Variants in GALE observed in about 807,000 individuals in gnomAD.
GALE encodes the protein UDP-galactose-4-epimerase, also known as UDP-glucose 4-epimerase.
Under a neutral mutation model 44.1 loss-of-function variants are expected in GALE, and 32 were observed. The observed-to-expected ratio is 0.73, with a 90% confidence interval of 0.55 to 0.97. GALE has a LOEUF of 0.97. GALE is among the 50% of genes least tolerant of loss of function. GALE has a pLI of 0.00. For missense variants in GALE, 423 were observed against 455.6 expected, an observed-to-expected ratio of 0.93 and a Z score of 0.65; for synonymous variants, 182 against 183.5, an observed-to-expected ratio of 0.99 and a Z score of 0.06.
In GALE at chr1:23,796,185, C is replaced by T; in HGVS notation, c.954G>A (p.Leu318=). 1 of 1,614,162 alleles carries T rather than the reference C, an allele frequency of 6.2e-7. No individual in the cohort carries two copies. The highest frequency in any genetic ancestry group is 1.3e-5 in the African/African-American group (1 of 75,052). ...YANPSLAQEE[L]GWTAALGLDR... ...CCAGCCCTAAGGCTGCTGTCCACCCCAGCTCCTCTTGGGCCAGGCTGGGGT... is the reference window on the plus strand; with the variant it reads ...CCAGCCCTAAGGCTGCTGTCCACCCTAGCTCCTCTTGGGCCAGGCTGGGGT... Residue 318 remains leucine (L), a synonymous_variant, in exon 11 of 12, where the codon CTG becomes CTA. Transcript: ENST00000617979. This position sits in a 1 kb window ranked among gnomAD's most constrained non-coding sequence, Gnocchi z 5.2.
In GALE at chr1:23,796,070, C is replaced by A. The variant is rs1041437382; in HGVS notation, c.989-63G>T. On this transcript the variant is annotated intron_variant, in intron 11 of 11. Coordinates refer to ENST00000617979, the MANE Select transcript of GALE (RefSeq NM_001008216.2). This position sits in a 1 kb window ranked among gnomAD's most constrained non-coding sequence, Gnocchi z 5.2. ...GGAATGCAGAGCCTCCCCCACCCCA[C>A]AGCCCGCCCTGGGTGGGCATGCCCA... is the stretch of plus-strand genomic sequence containing the variant. 1 of 1,602,542 alleles carries A rather than the reference C, an allele frequency of 6.2e-7. No individual in the cohort carries two copies. Among genetic ancestry groups the A allele is most frequent in the East Asian group, 2.2e-5 (1 of 44,780 alleles).
Position 23,797,791 on chromosome 1 carries a change from A to G in GALE, c.432T>C (p.Leu144=), listed in dbSNP as rs1639006965. 2 of 1,614,164 alleles carry G rather than the reference A, an allele frequency of 1.2e-6. No homozygotes were observed. Among genetic ancestry groups the G allele is most frequent in the Non-Finnish European group, 1.7e-6 (2 of 1,180,002 alleles). ...TVYGNPQYLP[L]DEAHPTGGCT... Reference sequence around the variant, plus strand: ...AACCACCCGTGGGGTGGGCCTCATCAAGGGGCAGGTACTGGGGGTTCCCGT... The same window carrying G: ...AACCACCCGTGGGGTGGGCCTCATCGAGGGGCAGGTACTGGGGGTTCCCGT... Residue 144 remains leucine (L), a synonymous_variant, in exon 6 of 12, where the codon CTT becomes CTC. Transcript: ENST00000617979.
At position 23,798,515 on chromosome 1, in the gene GALE, A is replaced by G; in HGVS notation, c.237+100T>C. On this transcript the variant is annotated intron_variant, in intron 4 of 11. Transcript: ENST00000617979. This position sits in a 1 kb window ranked among gnomAD's most constrained non-coding sequence, Gnocchi z 4.5. ...GAGATGGGGTTTCACTGTGTTGAGC[A>G]GGCTGGTCTTGAACACCTGGGCTCA... is the stretch of plus-strand genomic sequence containing the variant. 1 of 860,022 alleles carries G rather than the reference A, an allele frequency of 1.2e-6. No homozygotes were observed. Among genetic ancestry groups the G allele is most frequent in the Non-Finnish European group, 2.0e-6 (1 of 509,902 alleles). The allele number at this position is 860,022 out of a possible 1,614,324, so 53.3% of individuals were successfully genotyped here.
rs750780115 is a variant in GALE, at chr1:23,798,698, C to A, written c.154G>T (p.Val52Phe). ...ACAGAGCGGCCTGTCAGCTCCTGGACCCGCCGCAGGCTCTCAGGCAGGGAG... is the reference window on the plus strand; with the variant it reads ...ACAGAGCGGCCTGTCAGCTCCTGGAACCGCCGCAGGCTCTCAGGCAGGGAG... ...GGSLPESLRR[V>F]QELTGRSVEF... The change falls in exon 4 of 12, where the codon GTC becomes TTC. Residue 52 changes from valine to phenylalanine, a missense_variant. Physicochemically the swap from Val to Phe is conservative, Grantham distance 50. Coordinates refer to ENST00000617979, the MANE Select transcript of GALE (RefSeq NM_001008216.2). The surrounding 1 kb of genome is among the most constrained non-coding windows in gnomAD (Gnocchi z 4.5). 1.9e-6 allele frequency: 3 copies of A among 1,613,870 alleles called. No individual in the cohort carries two copies. In the South Asian group the frequency reaches 3.3e-5, roughly 18 times the overall value.
rs1258944278 is a variant in GALE at position 23,798,244 on chromosome 1, A to G, written c.238-14T>C. 5 of 1,597,240 alleles carry G rather than the reference A, an allele frequency of 3.1e-6. No homozygotes were observed. In the South Asian group the frequency reaches 3.3e-5, roughly 11 times the overall value. The stretch of plus-strand genomic sequence containing the variant: ...CATAAAGCTGTACTGCAGGGGTGAC[A>G]TGGCCAGAGGTTGCTCTACTGGTTT... On this transcript the variant is annotated splice_polypyrimidine_tract_variant and intron_variant, in intron 4 of 11. Transcript: ENST00000617979. The surrounding 1 kb of genome is among the most constrained non-coding windows in gnomAD (Gnocchi z 4.5).
rs764448821 is a variant in GALE at position 23,796,274 on chromosome 1, C to T, written c.874-9G>A. On this transcript the variant is annotated splice_polypyrimidine_tract_variant and intron_variant, in intron 10 of 11. Coordinates refer to ENST00000617979, the MANE Select transcript of GALE (RefSeq NM_001008216.2). This position sits in a 1 kb window ranked among gnomAD's most constrained non-coding sequence, Gnocchi z 5.2. ...ACCACCTTGTACGGGATCTGCAAGA[C>T]AGGAGGTAGTTGGAGCTTAGCTGAG... The T allele has an allele frequency of 1.7e-5, 28 of 1,612,624 alleles. No homozygotes were observed. The Admixed American group carries it at 3.2e-4, about 18-fold the overall frequency.
At chr1:23,797,201 C>T in intron 6 of GALE, 54 bp from the exon 7 acceptor site, 1 of 1,278,820 alleles carries the variant, frequency 7.8e-7, no homozygotes, top group South Asian at 1.3e-5. Flanking sequence ...CGTGTCCCAG[C>T]TGAACCCAGA....
intron 1 of GALE, chr1:23,799,888 T>A (rs1467824927): frequency 6.6e-6 from 1 of 152,404 alleles, no homozygotes; most frequent in Non-Finnish European, 1.5e-5. Context: ...CTGCGGGTAG[T>A]ACGGGGAGGA....
rs1639027392 is a variant in GALE, at chr1:23,798,319, T to C, written c.238-89A>G. 1.0e-6 allele frequency: 1 copy of C among 964,824 alleles called. No individual in the cohort carries two copies. The highest frequency in any genetic ancestry group is 1.9e-5 in the Admixed American group (1 of 53,382). The allele number at this position is 964,824 out of a possible 1,614,324, so 59.8% of individuals were successfully genotyped here. On this transcript the variant is annotated intron_variant, in intron 4 of 11. Transcript: ENST00000617979. This position sits in a 1 kb window ranked among gnomAD's most constrained non-coding sequence, Gnocchi z 4.5. The stretch of plus-strand genomic sequence containing the variant: ...TGCCTGCCTGCACTCACCTTTTTTT[T>C]TTTTTTTGACAGTCTCGCTCTGTTG...
chr1:23,796,856 C>G lies in GALE; in HGVS notation c.709+20G>C, dbSNP rs1165193600. On this transcript the variant is annotated intron_variant, in intron 8 of 11. Coordinates refer to ENST00000617979, the MANE Select transcript of GALE (RefSeq NM_001008216.2). The surrounding 1 kb of genome is among the most constrained non-coding windows in gnomAD (Gnocchi z 5.2). Reference sequence around the variant, plus strand: ...TCCTTCCTGGCTCCCACTCCTAGGTCCCCCTGGTCCTAGGCTCACCTGTGC... The same window carrying G: ...TCCTTCCTGGCTCCCACTCCTAGGTGCCCCTGGTCCTAGGCTCACCTGTGC... 7.4e-6 allele frequency: 12 copies of G among 1,612,218 alleles called. No individual in the cohort carries two copies. The highest frequency in any genetic ancestry group is 9.3e-6 in the Non-Finnish European group (11 of 1,179,194).
rs1220831892 is a variant in GALE at position 23,795,611 on chromosome 1, A to C, written c.*338T>G. On this transcript the variant is annotated 3_prime_UTR_variant, in exon 12 of 12. Coordinates refer to ENST00000617979, the MANE Select transcript of GALE (RefSeq NM_001008216.2). ...TGTGAGAACCTGCCCCAGTGTAAGA[A>C]AACTTGTTTTTATTTTTAAATACTT... 1 of 432,306 alleles carries C rather than the reference A, an allele frequency of 2.3e-6. No individual in the cohort carries two copies. The highest frequency in any genetic ancestry group is 2.0e-5 in the African/African-American group (1 of 50,224). The allele number at this position is 432,306 out of a possible 1,614,324, so 26.8% of individuals were successfully genotyped here.
chr1:23,798,702 C>T lies in GALE; in HGVS notation c.150G>A (p.Arg50=), dbSNP rs1224750130. Residue 50 remains arginine (R), a synonymous_variant, in exon 4 of 12, where the codon CGG becomes CGA. Coordinates refer to ENST00000617979, the MANE Select transcript of GALE (RefSeq NM_001008216.2). This position sits in a 1 kb window ranked among gnomAD's most constrained non-coding sequence, Gnocchi z 4.5. ...RGGGSLPESL[R]RVQELTGRSV... The stretch of plus-strand genomic sequence containing the variant: ...AGCGGCCTGTCAGCTCCTGGACCCG[C>T]CGCAGGCTCTCAGGCAGGGAGCCCC... 3.1e-6 allele frequency: 5 copies of T among 1,614,050 alleles called. No individual in the cohort carries two copies. The highest frequency in any genetic ancestry group is 4.5e-5 in the East Asian group (2 of 44,888).
Position 23,795,707 on chromosome 1 carries a change from CT to C in GALE, c.*241del, listed in dbSNP as rs1638924574. The C allele has an allele frequency of 1.7e-6, 1 of 596,098 alleles. No homozygotes were observed. Among genetic ancestry groups the C allele is most frequent in the African/African-American group, 1.9e-5 (1 of 53,822 alleles). 36.9% of individuals were successfully genotyped at this position (596,098 alleles called of 1,614,324 possible). A position where few individuals can be genotyped will look rare whatever the true frequency, so the allele number is the denominator to read the frequency against. ...AGGTTTTGTGCCAGAGCCTTGCCCC[CT>C]CACTCACTCTTGGGGGTCCTGATGA... On this transcript the variant is annotated 3_prime_UTR_variant, in exon 12 of 12. Coordinates refer to ENST00000617979, the MANE Select transcript of GALE (RefSeq NM_001008216.2).
intron 2 of GALE, 43 bp downstream of exon 2, chr1:23,799,323 G>C (rs1183633830): frequency 2.4e-6 from 1 of 423,046 alleles, no homozygotes; most frequent in Non-Finnish European, 4.4e-6. Flanking sequence ...GCAGAGCTGG[G>C]GAGACCTGAC....
rs904759055 is a variant in GALE at position 23,798,880 on chromosome 1, C to G, written c.121+7G>C. On this transcript the variant is annotated splice_region_variant and intron_variant, in intron 3 of 11. Coordinates refer to ENST00000617979, the MANE Select transcript of GALE (RefSeq NM_001008216.2). The surrounding 1 kb of genome is among the most constrained non-coding windows in gnomAD (Gnocchi z 4.5). The stretch of plus-strand genomic sequence containing the variant: ...TCAAGTAGCCCCAGCCCCACTGCCC[C>G]GCTCACCACGGAAGGCATTATGGAA... The G allele has an allele frequency of 1.2e-6, 2 of 1,614,180 alleles. No individual in the cohort carries two copies. Among genetic ancestry groups the G allele is most frequent in the Admixed American group, 1.7e-5 (1 of 60,026 alleles).
At position 23,798,006 on chromosome 1, in the gene GALE, AG is replaced by A; in HGVS notation, c.351+110del. The A allele has an allele frequency of 7.6e-7, 1 of 1,319,348 alleles. No individual in the cohort carries two copies. The highest frequency in any genetic ancestry group is 1.1e-6 in the Non-Finnish European group (1 of 912,386). The allele number at this position is 1,319,348 out of a possible 1,614,324, so 81.7% of individuals were successfully genotyped here. On this transcript the variant is annotated intron_variant, in intron 5 of 11. Transcript: ENST00000617979. The surrounding 1 kb of genome is among the most constrained non-coding windows in gnomAD (Gnocchi z 4.5). ...TGGGGAAACTGAGACTGGGAGGTAA[AG>A]ACATGAGTCCAGGATGATACAGCTT...
intron 5 of GALE, 34 bp from the exon 6 acceptor site, chr1:23,797,905 C>T: frequency 1.9e-6 from 3 of 1,608,464 alleles, no homozygotes; most frequent in Non-Finnish European, 2.6e-6. Flanking sequence ...GTGACCTCTG[C>T]CTCACACATT....
chr1:23,796,133 G>T lies in GALE; in HGVS notation c.988+18C>A. ...CCCCTCCCTGGCCCCTAACTGCAGG[G>T]GTCAGGCCAGCACTCACACATCCTG... On this transcript the variant is annotated intron_variant, in intron 11 of 11. Coordinates refer to ENST00000617979, the MANE Select transcript of GALE (RefSeq NM_001008216.2). This position sits in a 1 kb window ranked among gnomAD's most constrained non-coding sequence, Gnocchi z 5.2. 6.2e-7 allele frequency: 1 copy of T among 1,608,302 alleles called. No homozygotes were observed. The highest frequency in any genetic ancestry group is 1.1e-5 in the South Asian group (1 of 90,988).
chr1:23,799,130 C>G, intron 2 of GALE, 118 bp from the exon 3 acceptor site: 1 of 1,380,934 alleles, frequency 7.2e-7, no homozygotes, highest in Non-Finnish European at 1.0e-6. Context: ...GCCCTAGGTA[C>G]CAGACTGGCT....
Sources: gnomAD v4.1 joint callset for allele counts on GRCh38, gnomAD v4.1.1 for gene constraint, Gnocchi (gnomAD v3.1) non-coding constraint, MANE v1.5 for transcripts, NCBI Gene and HGNC (gene_info 2026-07-23, HGNC 2026-07-21) for gene names.